The following ARHGEF12 variants were observed in gnomAD, a reference collection of about 807,000 sequenced individuals.
ARHGEF12 encodes Rho guanine nucleotide exchange factor 12, also known as KMT2A/ARHGEF12 fusion protein.
Under a neutral mutation model 211.2 loss-of-function variants are expected in ARHGEF12, and 66 were observed. That is an observed-to-expected ratio of 0.31 (90% CI 0.26 to 0.38). The LOEUF is 0.38. Among genes scored for constraint, ARHGEF12 ranks in the 10% least tolerant of loss-of-function variants. The pLI, the probability that ARHGEF12 is intolerant of heterozygous loss-of-function variation, is 1.00. For missense variants in ARHGEF12, 1,429 were observed against 1,869.5 expected, an observed-to-expected ratio of 0.76 and a Z score of 4.34; for synonymous variants, 592 against 638.4, an observed-to-expected ratio of 0.93 and a Z score of 1.09.
chr11:120,446,355 T>C, intron 16 of ARHGEF12, 48 bp from the exon 17 acceptor site: 1 of 1,446,304 alleles, frequency 6.9e-7, no homozygotes, highest in Non-Finnish European at 9.4e-7. Flanking sequence ...CAATTGTATG[T>C]TGCCCAGAAC....
intron 12 of ARHGEF12, chr11:120,439,894 T>G: frequency 2.2e-6 from 1 of 453,776 alleles, no homozygotes; most frequent in South Asian, 3.5e-5. Flanking sequence ...CCAAGGGGAG[T>G]GGTTTTTTCC....
chr11:120,366,906 C>T (rs933275350), intron 1 of ARHGEF12, among the ~76,000 whole-genome samples: 4 of 152,072 alleles, frequency 2.6e-5, no homozygotes, highest in Non-Finnish European at 4.4e-5. Context: ...ATCCCAGCTA[C>T]TTGGGAGGCT....
intron 1 of ARHGEF12, among the ~76,000 whole-genome samples, chr11:120,384,578 A>G (rs1030934085): frequency 2.6e-5 from 4 of 152,214 alleles, no homozygotes; most frequent in Admixed American, 2.0e-4. Context: ...ATTAGATTGC[A>G]TGAGTTTGTC....
At chr11:120,344,340 C>G (rs917530107) in intron 1 of ARHGEF12, among the ~76,000 whole-genome samples, 1 of 146,008 alleles carries the variant, frequency 6.8e-6, no homozygotes, top group Non-Finnish European at 1.5e-5. Context: ...TGAAATTGAT[C>G]TTGTAATGCA....
chr11:120,418,154 C>T (rs1397308216), intron 4 of ARHGEF12, among the ~76,000 whole-genome samples: 6 of 152,170 alleles, frequency 3.9e-5, no homozygotes, highest in Admixed American at 6.5e-5. Context: ...CTCATGTAAA[C>T]ATTATCTTAA....
intron 1 of ARHGEF12, among the ~76,000 whole-genome samples, chr11:120,342,670 A>T (rs1022344944): frequency 6.6e-6 from 1 of 152,130 alleles, no homozygotes; most frequent in African/African-American, 2.4e-5. Context: ...AGTCTTTAGG[A>T]TGGATATGAG....
intron 1 of ARHGEF12, among the ~76,000 whole-genome samples, chr11:120,377,596 A>C (rs1251748935): frequency 1.3e-5 from 2 of 152,106 alleles, no homozygotes; most frequent in Admixed American, 6.6e-5. Context: ...GACCCCTGCG[A>C]AGTGCTGGGA....
At position 120,489,274 on chromosome 11, in the gene ARHGEF12, TATC is replaced by T. The variant is rs1384182016; in HGVS notation, c.*4200_*4202del. The T allele has an allele frequency of 4.4e-6, 1 of 226,806 alleles. No individual in the cohort carries two copies. The highest frequency in any genetic ancestry group is 2.2e-5 in the African/African-American group (1 of 44,948). 14.0% of individuals were successfully genotyped at this position (226,806 alleles called of 1,614,324 possible). ...TAATAGCTTTATTGAGATATTCACA[TATC>T]ATATAATTCATCCATTTAAAGTGTA... On this transcript the variant is annotated 3_prime_UTR_variant, in exon 41 of 41. Transcript: ENST00000397843.
chr11:120,458,030 C>G, intron 24 of ARHGEF12, 50 bp from the exon 25 acceptor site: 1 of 1,565,266 alleles, frequency 6.4e-7, no homozygotes, highest in Non-Finnish European at 8.6e-7. Context: ...TGCTGTTTCT[C>G]ATTGTCCACC....
At chr11:120,415,509 G>C (rs1288070052) in intron 4 of ARHGEF12, among the ~76,000 whole-genome samples, 1 of 152,168 alleles carries the variant, frequency 6.6e-6, no homozygotes, top group Admixed American at 6.5e-5. Context: ...ATAGTACAAA[G>C]ATATGATAAT....
intron 21 of ARHGEF12, chr11:120,449,437 A>G (rs1266037977): frequency 4.4e-6 from 2 of 455,224 alleles, no homozygotes; most frequent in African/African-American, 3.9e-5. Context: ...GTGGTGATTC[A>G]CGCCTGTAAT....
chr11:120,336,891 T>A lies in ARHGEF12; in HGVS notation c.-353T>A. 4.7e-6 allele frequency: 2 copies of A among 422,442 alleles called. No individual in the cohort carries two copies. Among genetic ancestry groups the A allele is most frequent in the Non-Finnish European group, 8.3e-6 (2 of 240,498 alleles). The allele number at this position is 422,442 out of a possible 1,614,324, so 26.2% of individuals were successfully genotyped here. A position where few individuals can be genotyped will look rare whatever the true frequency, so the allele number is the denominator to read the frequency against. On this transcript the variant is annotated 5_prime_UTR_variant, in exon 1 of 41. Transcript: ENST00000397843. ...GAGCCGACACCCGTCCGTGAGCTGA[T>A]CCCGCCCCAGCCCCGGCGGGAGTCC...
intron 39 of ARHGEF12, 66 bp downstream of exon 39, chr11:120,481,642 G>A: frequency 2.0e-6 from 3 of 1,489,656 alleles, no homozygotes; most frequent in South Asian, 2.4e-5. Context: ...GGAAGAATAG[G>A]GTGATGAAAA....
intron 22 of ARHGEF12, among the ~76,000 whole-genome samples, chr11:120,453,739 C>A (rs1946279466): frequency 6.6e-6 from 1 of 152,066 alleles, no homozygotes; most frequent in Non-Finnish European, 1.5e-5. Flanking sequence ...CAACAGAGAA[C>A]CACAAGATAA....
chr11:120,351,443 ATATATATATATATTTTTTTT>A (rs1290098511), intron 1 of ARHGEF12, among the ~76,000 whole-genome samples: 14 of 3,762 alleles, frequency 3.7e-3, no homozygotes, highest in African/African-American at 0.016. Context: ...ATATATATAT[ATATATATATATATTTTTTTT>A]TTTTTTTTTT....
Position 120,478,345 on chromosome 11 carries a change from T to G in ARHGEF12, c.3722T>G (p.Leu1241Arg). Residue 1241 changes from leucine to arginine, a missense_variant, in exon 37 of 41, where the codon CTG becomes CGG. By Grantham distance (102) the Leu-to-Arg change is moderately radical. This residue lies in a region of ARHGEF12 where 467 missense variants were observed against 468.4 expected (regional missense o/e 1.00). Coordinates refer to ENST00000397843, the MANE Select transcript of ARHGEF12 (RefSeq NM_015313.3). ...DYQIAIPDSH[L>R]PVSEERWALD... ...CAAATCGCAATCCCAGATTCACACC[T>G]GCCTGTCTCAGAAGAACGGTGGGCA... The G allele has an allele frequency of 6.2e-7, 1 of 1,614,238 alleles. No homozygotes were observed. The highest frequency in any genetic ancestry group is 8.5e-7 in the Non-Finnish European group (1 of 1,180,042).
rs749493197 is a variant in ARHGEF12 at position 120,478,256 on chromosome 11, T to C, written c.3633T>C (p.Ala1211=). ...CAGAGGTACGTGATCTGTTTGTGGC[T>C]GAGAGACAGTTTGCAAAGGAACAAC... The part of the protein sequence containing the change: ...GKSEVRDLFV[A]ERQFAKEQHT... Residue 1211 remains alanine, a synonymous_variant, in exon 37 of 41, where the codon GCT becomes GCC. Coordinates refer to ENST00000397843, the MANE Select transcript of ARHGEF12 (RefSeq NM_015313.3). 6.2e-7 allele frequency: 1 copy of C among 1,614,196 alleles called. No individual in the cohort carries two copies. Among genetic ancestry groups the C allele is most frequent in the Non-Finnish European group, 8.5e-7 (1 of 1,180,036 alleles).
intron 1 of ARHGEF12, among the ~76,000 whole-genome samples, chr11:120,363,436 T>G (rs1286078599): frequency 6.6e-6 from 1 of 152,218 alleles, no homozygotes; most frequent in African/African-American, 2.4e-5. Flanking sequence ...ATTTTTAATA[T>G]TTTTAAATTT....
chr11:120,343,535 T>G lies in ARHGEF12; in HGVS notation c.32+6260T>G, dbSNP rs573898663. Among the ~76,000 whole-genome samples the G allele has an allele frequency of 2.6e-5, 4 of 152,330 alleles. No individual in the cohort carries two copies. The South Asian group carries it at 8.3e-4, about 32-fold the overall frequency. On this transcript the variant is annotated intron_variant, in intron 1 of 40. Coordinates refer to ENST00000397843, the MANE Select transcript of ARHGEF12 (RefSeq NM_015313.3). ...AAAGAAAAAATACACTAACTTTACC[T>G]CTTGAATTAGCATGCACCAATGCAG... is the stretch of plus-strand genomic sequence containing the variant.
Sources: allele counts gnomAD v4.1 joint callset (sites outside exome capture counted in the v4.1 genomes callset), GRCh38; gene constraint gnomAD v4.1.1; regional missense constraint gnomAD v4.1.1; transcripts MANE v1.5; gene names NCBI Gene and HGNC (gene_info 2026-07-23, HGNC 2026-07-21).